The following MICAL2 variants were observed in gnomAD, a reference collection of about 807,000 sequenced individuals.
The protein encoded by MICAL2 is [F-actin]-monooxygenase MICAL2.
MICAL2 carries 77 observed loss-of-function variants against 127.3 expected under a neutral mutation model. The ratio of observed to expected loss-of-function variants is 0.60; its 90% confidence interval spans 0.50 to 0.73. The LOEUF (loss-of-function observed/expected upper bound fraction) is 0.73, where lower values mean the gene tolerates loss of function less well. Among genes scored for constraint, MICAL2 ranks in the 30% least tolerant of loss-of-function variants. MICAL2 has a pLI of 0.00. For missense variants in MICAL2, 1,351 were observed against 1,434.4 expected (o/e 0.94, Z 0.94); for synonymous variants, 570 against 551.1 (o/e 1.03, Z -0.48).
At chr11:12,292,653 G>A (rs1324553017), downstream of MICAL2, among the ~76,000 whole-genome samples, 7 of 152,218 alleles carry the variant, frequency 4.6e-5, no homozygotes, top group African/African-American at 1.7e-4. Context: ...GGCAGGCACA[G>A]AAGTGAGGGT....
At chr11:12,160,928 G>A (rs1259665261) in intron 2 of MICAL2, among the ~76,000 whole-genome samples, 5 of 152,154 alleles carry the variant, frequency 3.3e-5, no homozygotes, top group African/African-American at 1.2e-4. Flanking sequence ...TTATAAAACC[G>A]TCCCACAATT....
At chr11:12,115,812 A>G (rs940183369) in intron 1 of MICAL2, among the ~76,000 whole-genome samples, 1 of 152,182 alleles carries the variant, frequency 6.6e-6, no homozygotes, top group Admixed American at 6.5e-5. Flanking sequence ...ACTTCTTTCA[A>G]CCAATTTGAA....
chr11:12,338,384 C>G (rs1244892905), intron 32 of MICAL2, among the ~76,000 whole-genome samples: 1 of 152,208 alleles, frequency 6.6e-6, no homozygotes, highest in Non-Finnish European at 1.5e-5. Flanking sequence ...ATACAGCACA[C>G]TGATGGGTCT....
At chr11:12,323,030 C>T (rs996973270) in intron 30 of MICAL2, among the ~76,000 whole-genome samples, 8 of 152,088 alleles carry the variant, frequency 5.3e-5, no homozygotes, top group Non-Finnish European at 1.2e-4. Flanking sequence ...GATTGGATGC[C>T]AGCTTTGCCT....
chr11:12,115,316 C>T (rs1849914335), intron 1 of MICAL2, among the ~76,000 whole-genome samples: 1 of 152,204 alleles, frequency 6.6e-6, no homozygotes, highest in South Asian at 2.1e-4. Context: ...ATGGACTTCA[C>T]ACCTGGTTCT....
At chr11:12,136,236 T>C (rs1286532446) in intron 1 of MICAL2, among the ~76,000 whole-genome samples, 1 of 152,112 alleles carries the variant, frequency 6.6e-6, no homozygotes, top group African/African-American at 2.4e-5. Flanking sequence ...TTCATTCTGG[T>C]TGATTACAAA....
At position 12,236,045 on chromosome 11, in the gene MICAL2, C is replaced by G. The variant is rs1590539101; in HGVS notation, c.1996-132C>G. On this transcript the variant is annotated intron_variant, in intron 15 of 27. Transcript: ENST00000683283. ...ATTTACTACCACTCCTGCCTGTAGG[C>G]TGACAGCTGTTTGTGGGCAGGGACA... 5 of 735,650 alleles carry G rather than the reference C, an allele frequency of 6.8e-6. No homozygotes were observed. In the East Asian group the frequency reaches 1.3e-4, roughly 19 times the overall value. 45.6% of individuals were successfully genotyped at this position (735,650 alleles called of 1,614,324 possible).
At chr11:12,111,699 T>C (rs1291468623) in intron 1 of MICAL2, among the ~76,000 whole-genome samples, 1 of 152,264 alleles carries the variant, frequency 6.6e-6, no homozygotes, top group Non-Finnish European at 1.5e-5. Context: ...TGTCGCCTGT[T>C]AACTACAGTC....
intron 32 of MICAL2, among the ~76,000 whole-genome samples, chr11:12,349,471 C>T (rs2134897652): frequency 1.3e-5 from 2 of 152,196 alleles, no homozygotes; most frequent in Admixed American, 1.3e-4. Context: ...AAATGATGAG[C>T]AGCAGCTAGG....
intron 21 of MICAL2, 148 bp from the exon 22 acceptor site, chr11:12,249,036 A>C: frequency 1.0e-6 from 1 of 961,764 alleles, no homozygotes; most frequent in Non-Finnish European, 1.5e-6. Context: ...GACAGCAACT[A>C]CTCTTGAGGG....
At chr11:12,246,945 T>A (rs68089070) in intron 21 of MICAL2, among the ~76,000 whole-genome samples, 26,931 of 151,998 alleles carry the variant, frequency 0.18, 2,515 homozygotes, top group South Asian at 0.28. Flanking sequence ...ATATTTCCTA[T>A]GAAAAAATTA....
chr11:12,323,302 G>A (rs1439133214), intron 30 of MICAL2, among the ~76,000 whole-genome samples: 1 of 152,142 alleles, frequency 6.6e-6, no homozygotes, highest in Non-Finnish European at 1.5e-5. Context: ...GGGAAGAGAA[G>A]CAATCTCATG....
chr11:12,357,790 ATC>A (rs770566354), intron 34 of MICAL2, among the ~76,000 whole-genome samples: 1 of 152,126 alleles, frequency 6.6e-6, no homozygotes, highest in Non-Finnish European at 1.5e-5. Flanking sequence ...GAGAGCCAAG[ATC>A]ATGCCACTGC....
intron 3 of MICAL2, among the ~76,000 whole-genome samples, chr11:12,175,432 C>T (rs1016052155): frequency 1.3e-5 from 2 of 151,914 alleles, no homozygotes; most frequent in Admixed American, 6.6e-5. Flanking sequence ...GCCGAGATTG[C>T]GCCACTCCAC....
intron 3 of MICAL2, among the ~76,000 whole-genome samples, chr11:12,170,857 G>C (rs1178949079): frequency 6.6e-6 from 1 of 152,132 alleles, no homozygotes; most frequent in Non-Finnish European, 1.5e-5. Context: ...CTAAGGACAG[G>C]GAGCATGCCT....
At chr11:12,352,870 T>C (rs61694774) in intron 33 of MICAL2, among the ~76,000 whole-genome samples, 7,668 of 152,224 alleles carry the variant, frequency 0.05, 481 homozygotes, top group African/African-American at 0.13. Context: ...GCCAGGCCAA[T>C]GGGAACATCA....
At chr11:12,172,817 G>A (rs1291026047) in intron 3 of MICAL2, among the ~76,000 whole-genome samples, 4 of 151,892 alleles carry the variant, frequency 2.6e-5, no homozygotes, top group Non-Finnish European at 5.9e-5. Flanking sequence ...CAAACTTCCC[G>A]AGGCCCCGCC....
chr11:12,285,266 C>T (rs1467872441), intron 2 of MICAL2, among the ~76,000 whole-genome samples: 1 of 152,068 alleles, frequency 6.6e-6, no homozygotes, highest in Non-Finnish European at 1.5e-5. Flanking sequence ...TGCAAAATAT[C>T]CCAAGCACTG....
chr11:12,198,492 C>T lies in MICAL2; in HGVS notation c.265-5758C>T, dbSNP rs557089170. On this transcript the variant is annotated intron_variant, in intron 3 of 27. Coordinates refer to ENST00000683283, the MANE Select transcript of MICAL2 (RefSeq NM_001282663.2). Reference sequence around the variant, plus strand: ...TTGAATTTGAAAACTCTCCATCCTGCGATTCTGAACCAAGCTGTTCTTATT... The same window carrying T: ...TTGAATTTGAAAACTCTCCATCCTGTGATTCTGAACCAAGCTGTTCTTATT... 3.2e-4 allele frequency among the ~76,000 whole-genome samples: 49 copies of T among 152,160 alleles called. 1 individual carries two copies. The highest frequency in any genetic ancestry group is 1.0e-4 in the Non-Finnish European group (7 of 68,038).
Sources: allele counts gnomAD v4.1 joint callset (sites outside exome capture counted in the v4.1 genomes callset), GRCh38; gene constraint gnomAD v4.1.1; transcripts MANE v1.5; gene names NCBI Gene and HGNC (gene_info 2026-07-23, HGNC 2026-07-21).